The following DTNA variants were observed in gnomAD, a reference collection of about 807,000 sequenced individuals.
The protein encoded by DTNA is dystrophin-related protein 3.
In DTNA, 43 loss-of-function variants were observed where a neutral mutation model predicts 100.7. The ratio of observed to expected loss-of-function variants is 0.43; its 90% CI spans 0.33 to 0.55. The LOEUF (loss-of-function observed/expected upper bound fraction) is 0.55. Among genes scored for constraint, DTNA ranks in the 20% least tolerant of loss-of-function variants. DTNA has a pLI of 0.04. For synonymous variants in DTNA, 349 were observed against 347.9 expected, an observed-to-expected ratio of 1.00 and a Z score of -0.04; for missense variants, 798 against 953.9, an observed-to-expected ratio of 0.84 and a Z score of 2.15.
At chr18:34,829,962 C>T (rs1424652586) in intron 11 of DTNA, among the ~76,000 whole-genome samples, 1 of 152,202 alleles carries the variant, frequency 6.6e-6, no homozygotes, top group African/African-American at 2.4e-5. Context: ...ATTTTCCCCC[C>T]AGGGAGGGAA....
At chr18:34,686,594 A>G (rs2078936163) in intron 1 of DTNA, among the ~76,000 whole-genome samples, 1 of 151,956 alleles carries the variant, frequency 6.6e-6, no homozygotes, top group African/African-American at 2.4e-5. Flanking sequence ...TTGGCCTGAA[A>G]TTTTCTTTTT....
Position 34,765,981 on chromosome 18 carries a change from A to C in DTNA, c.88A>C (p.Ile30Leu), listed in dbSNP as rs1480526218. 6.2e-7 allele frequency: 1 copy of C among 1,613,868 alleles called. No individual in the cohort carries two copies. Among genetic ancestry groups the C allele is most frequent in the Non-Finnish European group, 8.5e-7 (1 of 1,179,774 alleles). ...ACTAGGGGCTCAAGATCTGGATCGC[A>C]TCCGACTCTCCACCTACAGAACAGC... ...AEMRAQDLDR[I>L]RLSTYRTACK... Residue 30 changes from isoleucine (I) to leucine (L), a missense_variant, in exon 3 of 23, where the codon ATC becomes CTC. Ile to Leu is a conservative substitution (Grantham distance 5). Transcript: ENST00000444659.
intron 1 of DTNA, among the ~76,000 whole-genome samples, chr18:34,616,515 C>T (rs1246581324): frequency 1.3e-5 from 2 of 152,156 alleles, no homozygotes; most frequent in Admixed American, 6.5e-5. Context: ...CAGTACCATG[C>T]TGTTTTGGTT....
At chr18:34,638,540 C>T (rs544383818) in intron 1 of DTNA, among the ~76,000 whole-genome samples, 4 of 152,316 alleles carry the variant, frequency 2.6e-5, no homozygotes, top group Non-Finnish European at 5.9e-5. Context: ...TCTTTATCTT[C>T]CTAAAGGGAC....
At chr18:34,715,636 G>T (rs1016811219) in intron 1 of DTNA, among the ~76,000 whole-genome samples, 10 of 151,916 alleles carry the variant, frequency 6.6e-5, no homozygotes, top group African/African-American at 2.2e-4. Flanking sequence ...ATAAAATATG[G>T]ATCTATGAAA....
At chr18:34,578,109 C>G (rs1326580529) in intron 1 of DTNA, among the ~76,000 whole-genome samples, 1 of 151,892 alleles carries the variant, frequency 6.6e-6, no homozygotes, top group African/African-American at 2.4e-5. Flanking sequence ...TCCCTCTTCA[C>G]TGCATCCACA....
At chr18:34,667,610 T>C (rs1159315853) in intron 1 of DTNA, among the ~76,000 whole-genome samples, 2 of 152,180 alleles carry the variant, frequency 1.3e-5, no homozygotes, top group Non-Finnish European at 2.9e-5. Context: ...CAATACCTAA[T>C]TTATTGAGAG....
At chr18:34,723,308 T>C (rs2085787729) in intron 1 of DTNA, among the ~76,000 whole-genome samples, 2 of 152,190 alleles carry the variant, frequency 1.3e-5, no homozygotes, top group African/African-American at 4.8e-5. Context: ...ACAACAGTCC[T>C]AAAAGGTTAA....
At chr18:34,745,685 G>A (rs1174613771) in intron 1 of DTNA, among the ~76,000 whole-genome samples, 2 of 152,118 alleles carry the variant, frequency 1.3e-5, no homozygotes, top group East Asian at 3.9e-4. Context: ...TGTCCCTTGG[G>A]CAGTTGCTCT....
intron 1 of DTNA, among the ~76,000 whole-genome samples, chr18:34,640,595 A>C (rs2059167186): frequency 6.6e-6 from 1 of 152,224 alleles, no homozygotes. Flanking sequence ...TTCAGACCAC[A>C]TGCTAGGTAC....
intron 3 of DTNA, 82 bp downstream of exon 3, chr18:34,766,123 C>A: frequency 6.9e-7 from 1 of 1,440,692 alleles, no homozygotes; most frequent in Non-Finnish European, 9.7e-7. Flanking sequence ...AAACTAGATT[C>A]TGTTACAAAT....
intron 8 of DTNA, 150 bp downstream of exon 8, chr18:34,818,480 C>T: frequency 6.5e-7 from 1 of 1,527,096 alleles, no homozygotes; most frequent in Non-Finnish European, 8.8e-7. Context: ...CACTCTCCAC[C>T]CTACTGCGTG....
chr18:34,633,617 C>T (rs1032361940), intron 1 of DTNA, among the ~76,000 whole-genome samples: 3 of 152,200 alleles, frequency 2.0e-5, no homozygotes, highest in Middle Eastern at 3.4e-3. Context: ...ACAGGTCATA[C>T]ACTCAAAGGG....
Position 34,876,645 on chromosome 18 carries a change from G to A in DTNA, c.1904-1074G>A, listed in dbSNP as rs112719859. 2.3e-3 allele frequency among the ~76,000 whole-genome samples: 346 copies of A among 152,258 alleles called. 1 individual carries two copies. The highest frequency in any genetic ancestry group is 7.7e-3 in the African/African-American group (321 of 41,572). On this transcript the variant is annotated intron_variant, in intron 18 of 22. Transcript: ENST00000444659. ...TAATATCCAGGGATAGCAAAAGTGC[G>A]AGGAAAAAGGTACTCTCGTCCATGT...
At chr18:34,651,527 T>C (rs1229762559) in intron 1 of DTNA, among the ~76,000 whole-genome samples, 1 of 152,244 alleles carries the variant, frequency 6.6e-6, no homozygotes. Context: ...ATTTCTGATC[T>C]TGTTTGTTTC....
intron 1 of DTNA, among the ~76,000 whole-genome samples, chr18:34,573,280 AACT>A (rs1333612443): frequency 6.6e-6 from 1 of 152,218 alleles, no homozygotes; most frequent in Non-Finnish European, 1.5e-5. Context: ...CACATAACAC[AACT>A]TTAGGGCCCT....
intron 1 of DTNA, among the ~76,000 whole-genome samples, chr18:34,633,930 T>G (rs1450056901): frequency 3.3e-5 from 5 of 152,216 alleles, no homozygotes; most frequent in African/African-American, 7.2e-5. Context: ...TGGATTGAGA[T>G]AACATGGGAA....
chr18:34,851,739 C>T lies in DTNA; in HGVS notation c.1435-92C>T, dbSNP rs113338432. 5.3e-6 allele frequency: 7 copies of T among 1,308,630 alleles called. No individual in the cohort carries two copies. The Admixed American group carries it at 7.3e-5, about 14-fold the overall frequency. The allele number at this position is 1,308,630 out of a possible 1,614,324, so 81.1% of individuals were successfully genotyped here. On this transcript the variant is annotated intron_variant, in intron 14 of 22. Coordinates refer to ENST00000444659, the MANE Select transcript of DTNA (RefSeq NM_001386795.1). ...TTTGTTTTGATAGAAATAATTCCCT[C>T]CTCCTTGTCTGCATATCTCATGACT...
intron 3 of DTNA, among the ~76,000 whole-genome samples, chr18:34,772,907 G>A (rs2093854251): frequency 6.6e-6 from 1 of 152,188 alleles, no homozygotes; most frequent in Admixed American, 6.5e-5. Context: ...TTCATTGTGG[G>A]AAAGTGTTAT....
Sources: allele counts gnomAD v4.1 joint callset (sites outside exome capture counted in the v4.1 genomes callset), GRCh38; gene constraint gnomAD v4.1.1; transcripts MANE v1.5; gene names NCBI Gene and HGNC (gene_info 2026-07-23, HGNC 2026-07-21).